Variants in LRMDA observed in about 807,000 individuals in gnomAD.
LRMDA encodes leucine rich melanocyte differentiation associated, also known as leucine-rich melanocyte differentiation-associated protein.
LRMDA carries 18 observed loss-of-function variants against 29.8 expected under a neutral mutation model. That is an observed-to-expected ratio of 0.60 (90% CI 0.42 to 0.90). The LOEUF (loss-of-function observed/expected upper bound fraction) is 0.90, where lower values mean the gene tolerates loss of function less well. Ranked by LOEUF, LRMDA falls within the 40% of genes least tolerant of loss-of-function variation. The probability of loss-of-function intolerance (pLI) is 0.00; values close to 1 mark genes in which losing one functional copy is unlikely to be tolerated. For synonymous variants in LRMDA, 125 were observed against 109.4 expected (o/e 1.14, Z -0.89); for missense variants, 273 against 273.9 (o/e 1.00, Z 0.02).
intron 6 of LRMDA, among the ~76,000 whole-genome samples, chr10:76,413,305 G>A (rs147647739): frequency 3.0e-4 from 45 of 152,194 alleles, no homozygotes; most frequent in African/African-American, 1.0e-3. Context: ...TTCTCACACT[G>A]CTAATAAAGA....
At chr10:75,579,920 C>T (rs948743201) in intron 2 of LRMDA, among the ~76,000 whole-genome samples, 1 of 152,174 alleles carries the variant, frequency 6.6e-6, no homozygotes. Context: ...TGGAACGTAT[C>T]TCAAAATAAT....
At chr10:75,445,307 T>C (rs932990103) in intron 2 of LRMDA, among the ~76,000 whole-genome samples, 49 of 152,200 alleles carry the variant, frequency 3.2e-4, no homozygotes, top group Admixed American at 8.5e-4. Context: ...GTTTTTTTTT[T>C]CCAAATTTCT....
chr10:76,379,919 AT>A (rs1344789805), intron 6 of LRMDA, among the ~76,000 whole-genome samples: 1 of 152,148 alleles, frequency 6.6e-6, no homozygotes, highest in African/African-American at 2.4e-5. Flanking sequence ...CACTGTTTTC[AT>A]TTGTTTCAAA....
At chr10:75,544,837 T>C (rs1476489049) in intron 2 of LRMDA, among the ~76,000 whole-genome samples, 1 of 152,224 alleles carries the variant, frequency 6.6e-6, no homozygotes, top group East Asian at 1.9e-4. Flanking sequence ...CAACTTGTCC[T>C]TTTGATCGTA....
chr10:75,612,630 TTATTTATA>T (rs917854711), intron 2 of LRMDA, among the ~76,000 whole-genome samples: 16 of 148,244 alleles, frequency 1.1e-4, no homozygotes, highest in African/African-American at 3.7e-4. Flanking sequence ...TTTACTTATT[TTATTTATA>T]TATTTATATA....
intron 2 of LRMDA, among the ~76,000 whole-genome samples, chr10:75,740,695 G>A (rs921839870): frequency 3.9e-5 from 6 of 152,164 alleles, no homozygotes; most frequent in African/African-American, 1.4e-4. Context: ...TTTCAGCTAA[G>A]AATCCCAACA....
chr10:75,771,311 GC>G (rs1261787457), intron 2 of LRMDA, among the ~76,000 whole-genome samples: 1 of 151,114 alleles, frequency 6.6e-6, no homozygotes, highest in Non-Finnish European at 1.5e-5. Flanking sequence ...CATCCATTTA[GC>G]CAAGAGTTCT....
At chr10:76,380,978 T>C (rs1308415865) in intron 6 of LRMDA, among the ~76,000 whole-genome samples, 1 of 151,148 alleles carries the variant, frequency 6.6e-6, no homozygotes, top group Non-Finnish European at 1.5e-5. Flanking sequence ...AATACTAATG[T>C]ATGTATGTAT....
intron 5 of LRMDA, among the ~76,000 whole-genome samples, chr10:76,170,815 T>A (rs1315987484): frequency 6.6e-6 from 1 of 152,208 alleles, no homozygotes; most frequent in African/African-American, 2.4e-5. Flanking sequence ...CTTCTCTTAT[T>A]TGAAAATTTA....
At chr10:76,237,355 G>A (rs1852170759) in intron 5 of LRMDA, among the ~76,000 whole-genome samples, 1 of 151,986 alleles carries the variant, frequency 6.6e-6, no homozygotes, top group Non-Finnish European at 1.5e-5. Context: ...AAATTCTATA[G>A]GTGTACAAGG....
At chr10:75,998,724 C>T (rs987002966) in intron 2 of LRMDA, among the ~76,000 whole-genome samples, 1 of 152,194 alleles carries the variant, frequency 6.6e-6, no homozygotes, top group Non-Finnish European at 1.5e-5. Flanking sequence ...TTGACATTGT[C>T]CTCTACTTTC....
intron 2 of LRMDA, among the ~76,000 whole-genome samples, chr10:75,499,954 A>G (rs1487680430): frequency 2.0e-5 from 3 of 152,206 alleles, no homozygotes; most frequent in Admixed American, 2.0e-4. Context: ...CAGGAAACCT[A>G]GATTAACTTC....
At chr10:75,772,869 T>TGGGGGGGGGG (rs1554824987) in intron 2 of LRMDA, among the ~76,000 whole-genome samples, 3 of 49,776 alleles carry the variant, frequency 6.0e-5, no homozygotes, top group Non-Finnish European at 8.7e-5. Flanking sequence ...GGGGGTGGGA[T>TGGGGGGGGGG]GGGGGGGGGC....
intron 5 of LRMDA, among the ~76,000 whole-genome samples, chr10:76,219,262 C>A (rs1057185733): frequency 6.6e-6 from 1 of 152,098 alleles, no homozygotes. Context: ...TCACACATAA[C>A]AATATTAACT....
intron 2 of LRMDA, among the ~76,000 whole-genome samples, chr10:75,486,007 C>G (rs1251949825): frequency 2.0e-5 from 3 of 152,112 alleles, no homozygotes; most frequent in Non-Finnish European, 2.9e-5. Context: ...TTGCTTAGAA[C>G]TGTGCGTATT....
At chr10:76,094,666 C>T (rs567889710) in intron 5 of LRMDA, among the ~76,000 whole-genome samples, 8 of 152,240 alleles carry the variant, frequency 5.3e-5, no homozygotes, top group East Asian at 1.9e-4. Context: ...ACAGGAATTA[C>T]GAGTAAGGCT....
intron 2 of LRMDA, among the ~76,000 whole-genome samples, chr10:75,748,100 T>C (rs1336282751): frequency 7.1e-6 from 1 of 139,884 alleles, no homozygotes; most frequent in Non-Finnish European, 1.5e-5. Context: ...TGTTTAGCTA[T>C]TTTTTTTTTC....
intron 2 of LRMDA, chr10:75,451,534 G>C (rs970468815): frequency 6.6e-6 from 1 of 152,174 alleles, no homozygotes; most frequent in African/African-American, 2.4e-5. Context: ...ATAAATGAGA[G>C]GGGAGAAATT....
intron 5 of LRMDA, among the ~76,000 whole-genome samples, chr10:76,145,670 A>T (rs4564271): frequency 0.69 from 104,502 of 150,756 alleles, 36,778 homozygotes; most frequent in East Asian, 0.85. Context: ...TTTTGAAGGT[A>T]TTTTTGTGTC....
Sources: allele counts gnomAD v4.1 joint callset (sites outside exome capture counted in the v4.1 genomes callset), GRCh38; gene constraint gnomAD v4.1.1; transcripts MANE v1.5; gene names NCBI Gene and HGNC (gene_info 2026-07-23, HGNC 2026-07-21).